NBL1: variants seen among roughly 807,000 people sequenced by gnomAD.
NBL1 encodes neuroblastoma suppressor of tumorigenicity 1.
NBL1 carries 9 observed loss-of-function variants against 16.0 expected under a neutral mutation model. That is an observed-to-expected ratio of 0.56 (90% CI 0.34 to 0.98). The LOEUF (loss-of-function observed/expected upper bound fraction) is 0.98. Among genes scored for constraint, NBL1 ranks in the 50% least tolerant of loss-of-function variants. The pLI, the probability that NBL1 is intolerant of heterozygous loss-of-function variation, is 0.02. For missense variants in NBL1, 196 were observed against 243.1 expected (o/e 0.81, Z 1.29); for synonymous variants, 86 against 100.7 (o/e 0.85, Z 0.87).
intron 1 of NBL1, among the ~76,000 whole-genome samples, chr1:19,650,606 T>A (rs2095017831): frequency 6.6e-6 from 1 of 151,886 alleles, no homozygotes. Flanking sequence ...GGCTGGGAGA[T>A]CTCCAACTTT....
At chr1:19,647,636 C>T (rs746189673) in intron 1 of NBL1, 42 of 985,272 alleles carry the variant, frequency 4.3e-5, no homozygotes, top group African/African-American at 5.2e-5. Flanking sequence ...GTTGTGCATG[C>T]GGACTGTGGT....
chr1:19,645,729 C>T (rs996269459), intron 1 of NBL1: 1 of 1,344,820 alleles, frequency 7.4e-7, no homozygotes, highest in Non-Finnish European at 9.6e-7. Context: ...TACCCCTCTC[C>T]ACCCACCCCT....
intron 1 of NBL1, among the ~76,000 whole-genome samples, chr1:19,647,146 T>A (rs568317596): frequency 6.6e-6 from 1 of 152,288 alleles, no homozygotes; most frequent in Admixed American, 6.5e-5. Context: ...ACTTTGCAGA[T>A]GAGGAAACTG....
At chr1:19,644,260 GC>G (rs1207031826), upstream of NBL1, 1 of 978,710 alleles carries the variant, frequency 1.0e-6, no homozygotes, top group Non-Finnish European at 1.2e-6. The surrounding 1 kb of genome is among the most constrained non-coding windows in gnomAD (Gnocchi z 4.6). Context: ...TTTGGAGGGA[GC>G]CACCCTGACG....
At chr1:19,656,822 A>C (rs1454536661) in intron 3 of NBL1, 44 bp from the exon 4 acceptor site, 1 of 1,569,578 alleles carries the variant, frequency 6.4e-7, no homozygotes, top group Non-Finnish European at 8.7e-7. Context: ...TGCCTGCCCC[A>C]GACCTTTGGG....
chr1:19,653,037 C>T (rs2095035854), intron 1 of NBL1, among the ~76,000 whole-genome samples: 1 of 151,064 alleles, frequency 6.6e-6, no homozygotes. Context: ...CCTGTAATCC[C>T]AGCACTTTGG....
intron 1 of NBL1, among the ~76,000 whole-genome samples, chr1:19,650,230 A>G (rs552209183): frequency 2.4e-4 from 37 of 152,344 alleles, no homozygotes; most frequent in Middle Eastern, 3.4e-3. Context: ...AGTTCACTCT[A>G]TCACCTAATG....
Position 19,657,096 on chromosome 1 carries a change from C to A in NBL1, c.513C>A (p.Ala171=), listed in dbSNP as rs1317562659. ...CTGAGCCCGAGGACCCCCCTGGGGC[C>A]CCCCACACAGAGGAAGAGGGGGCTG... ...QTPEPEDPPG[A]PHTEEEGAED is the part of the protein sequence containing the mutation. The change falls in exon 4 of 4, where the codon GCC becomes GCA. Residue 171 remains alanine, a synonymous_variant. Transcript: ENST00000375136. The A allele has an allele frequency of 1.3e-6, 2 of 1,499,580 alleles. No homozygotes were observed. The highest frequency in any genetic ancestry group is 1.3e-5 in the South Asian group (1 of 79,148). The allele number at this position is 1,499,580 out of a possible 1,614,324, so 92.9% of individuals were successfully genotyped here.
intron 1 of NBL1, among the ~76,000 whole-genome samples, chr1:19,647,864 TGC>T (rs71579813): frequency 0.16 from 18,190 of 115,710 alleles, 1,331 homozygotes; most frequent in African/African-American, 0.3. Context: ...TGTGTGTGTG[TGC>T]GTGTGTGTGT....
Position 19,657,333 on chromosome 1 carries a change from TG to T in NBL1, c.*210del, listed in dbSNP as rs1183437334. The T allele has an allele frequency of 1.4e-5, 3 of 211,888 alleles. No individual in the cohort carries two copies. The highest frequency in any genetic ancestry group is 6.8e-5 in the Admixed American group (1 of 14,680). The allele number at this position is 211,888 out of a possible 1,614,324, so 13.1% of individuals were successfully genotyped here. ...CTGCACAATTTAATATATTCAAGAG[TG>T]GGGGGAGGAAGCAGAGGTCTTCAGG... is the stretch of plus-strand genomic sequence containing the variant. On this transcript the variant is annotated 3_prime_UTR_variant, in exon 4 of 4. Coordinates refer to ENST00000375136, the MANE Select transcript of NBL1 (RefSeq NM_005380.8).
At chr1:19,645,455 C>A (rs988693332) in intron 1 of NBL1, 4 of 992,016 alleles carry the variant, frequency 4.0e-6, no homozygotes, top group Non-Finnish European at 1.2e-6. Flanking sequence ...AGCCACACTT[C>A]CAGGCTTTCG....
upstream of NBL1, chr1:19,644,116 G>C (rs1408792156): frequency 1.0e-6 from 1 of 973,104 alleles, no homozygotes; most frequent in Admixed American, 6.3e-5. The surrounding 1 kb of genome is among the most constrained non-coding windows in gnomAD (Gnocchi z 4.6). Flanking sequence ...AGCCCGGGGC[G>C]GGCGGGCCAG....
chr1:19,646,144 A>G (rs912223812), intron 1 of NBL1: 7 of 1,271,552 alleles, frequency 5.5e-6, no homozygotes, highest in Non-Finnish European at 7.7e-6. Flanking sequence ...CGCCCTCTGG[A>G]CAGTTGACTC....
chr1:19,650,480 C>T (rs1009247265), intron 1 of NBL1, among the ~76,000 whole-genome samples: 1 of 152,204 alleles, frequency 6.6e-6, no homozygotes. Context: ...TTCTCCCCAC[C>T]CTCCTAGAAG....
In NBL1 at chr1:19,649,969, G is replaced by GTTTTC. The variant is rs111903141; in HGVS notation, c.-19-5024_-19-5020dup. Reference sequence around the variant, plus strand: ...AGCCACCATGCTTAGCCTACTTTACGTTTTCTTTTCTTTTCTTTTCTTTGA... The same window carrying GTTTTC: ...AGCCACCATGCTTAGCCTACTTTACGTTTTCTTTTCTTTTCTTTTCTTTTCTTTGA... On this transcript the variant is annotated intron_variant, in intron 1 of 3. Coordinates refer to ENST00000375136, the MANE Select transcript of NBL1 (RefSeq NM_005380.8). Among the ~76,000 whole-genome samples the GTTTTC allele has an allele frequency of 7.2e-3, 1,088 of 151,732 alleles. 10 individuals are homozygous for GTTTTC. The highest frequency in any genetic ancestry group is 0.017 in the Admixed American group (257 of 15,260).
At chr1:19,643,396 A>G, upstream of NBL1, 1 of 1,613,692 alleles carries the variant, frequency 6.2e-7, no homozygotes. The surrounding 1 kb of genome is among the most constrained non-coding windows in gnomAD (Gnocchi z 4.7). Context: ...ACATGGACAC[A>G]GGTAACTATG....
chr1:19,644,029 G>A (rs933622610), upstream of NBL1: 22 of 983,428 alleles, frequency 2.2e-5, no homozygotes, highest in Non-Finnish European at 9.7e-6. The surrounding 1 kb of genome is among the most constrained non-coding windows in gnomAD (Gnocchi z 4.6). Flanking sequence ...AGGGCGCCCG[G>A]CTGGGCTGCC....
At chr1:19,646,910 G>T (rs1306920697) in intron 1 of NBL1, among the ~76,000 whole-genome samples, 1 of 152,216 alleles carries the variant, frequency 6.6e-6, no homozygotes, top group Non-Finnish European at 1.5e-5. Context: ...CACTGGGGCA[G>T]ATGCAGCTCA....
At chr1:19,648,337 T>C (rs1156811744) in intron 1 of NBL1, among the ~76,000 whole-genome samples, 2 of 152,158 alleles carry the variant, frequency 1.3e-5, no homozygotes, top group Non-Finnish European at 2.9e-5. Context: ...TCCTGGGGGC[T>C]GGGAGGCCGT....
Sources: allele counts gnomAD v4.1 joint callset (sites outside exome capture counted in the v4.1 genomes callset), GRCh38; gene constraint gnomAD v4.1.1; non-coding constraint Gnocchi (gnomAD v3.1); transcripts MANE v1.5; gene names NCBI Gene and HGNC (gene_info 2026-07-23, HGNC 2026-07-21).